TEKT5: variants seen among roughly 807,000 people sequenced by gnomAD.
The protein encoded by TEKT5 is tektin-5.
TEKT5 carries 52 observed loss-of-function variants against 48.7 expected under a neutral mutation model. That is an observed-to-expected ratio of 1.07 (90% confidence interval 0.86 to 1.35). TEKT5 has a LOEUF of 1.35. TEKT5 is among the 40% of genes most tolerant of loss of function. The pLI is 0.00. For missense variants in TEKT5, 831 were observed against 641.6 expected (o/e 1.30, Z -3.19); for synonymous variants, 318 against 267.6 (o/e 1.19, Z -1.84).
chr16:10,690,116 GT>G, intron 1 of TEKT5, 91 bp from the exon 2 acceptor site: 1 of 1,397,342 alleles, frequency 7.2e-7, no homozygotes, highest in Non-Finnish European at 9.9e-7. Context: ...GCCACAATCT[GT>G]TCCTTTCTCC....
rs560627095 is a variant in TEKT5 at position 10,686,100 on chromosome 16, G to A, written c.719+3153C>T. 3.3e-5 allele frequency among the ~76,000 whole-genome samples: 5 copies of A among 152,214 alleles called. No individual in the cohort carries two copies. In the East Asian group the frequency reaches 9.6e-4, roughly 29 times the overall value. On this transcript the variant is annotated intron_variant, in intron 3 of 6. Transcript: ENST00000283025. ...TAAATAGAAGATCACAAAAATAACT[G>A]GAAGAAAGAACAGAATAGAGAGCCC...
intron 5 of TEKT5, among the ~76,000 whole-genome samples, chr16:10,637,970 C>T (rs1897939917): frequency 3.9e-5 from 6 of 152,192 alleles, no homozygotes; most frequent in Admixed American, 3.9e-4. Flanking sequence ...ACCACCACAC[C>T]TGGCTAATTG....
intron 5 of TEKT5, among the ~76,000 whole-genome samples, chr16:10,656,345 G>C (rs532937921): frequency 6.6e-6 from 1 of 152,272 alleles, no homozygotes; most frequent in South Asian, 2.1e-4. Context: ...TATGCCTCCT[G>C]GGCTCAAGCG....
chr16:10,676,778 G>A (rs1194909780), intron 4 of TEKT5, among the ~76,000 whole-genome samples: 2 of 152,250 alleles, frequency 1.3e-5, no homozygotes, highest in African/African-American at 4.8e-5. Context: ...AGTTAGGAGA[G>A]AGCCATGAAC....
At chr16:10,634,414 G>A (rs377294706) in intron 6 of TEKT5, among the ~76,000 whole-genome samples, 8 of 152,098 alleles carry the variant, frequency 5.3e-5, no homozygotes, top group Admixed American at 3.9e-4. Flanking sequence ...TATGAAACCC[G>A]GTGAGCACAG....
At chr16:10,659,831 G>A (rs541259676) in intron 5 of TEKT5, among the ~76,000 whole-genome samples, 1 of 152,312 alleles carries the variant, frequency 6.6e-6, no homozygotes, top group East Asian at 1.9e-4. Context: ...GATTTCAGTG[G>A]GCACAGGGTT....
chr16:10,631,842 C>T (rs573761649), intron 6 of TEKT5, among the ~76,000 whole-genome samples: 9 of 152,168 alleles, frequency 5.9e-5, no homozygotes, highest in Non-Finnish European at 8.8e-5. Flanking sequence ...CCTCCAGGAA[C>T]AGCAACCTTG....
chr16:10,653,984 TTGTGTGTGTGTGAACG>T (rs1020584297), intron 5 of TEKT5, among the ~76,000 whole-genome samples: 4 of 151,570 alleles, frequency 2.6e-5, no homozygotes, highest in Non-Finnish European at 4.4e-5. Flanking sequence ...CTAAGTAAAA[TTGTGTGTGTGTGAACG>T]TGTGTGTGTG....
chr16:10,674,327 G>C (rs1242041736), intron 5 of TEKT5, among the ~76,000 whole-genome samples: 1 of 151,926 alleles, frequency 6.6e-6, no homozygotes, highest in East Asian at 1.9e-4. Context: ...ATGTTGCAAT[G>C]ATTTCATGGA....
intron 5 of TEKT5, among the ~76,000 whole-genome samples, chr16:10,660,922 A>C (rs34941325): frequency 0.03 from 4,509 of 152,144 alleles, 235 homozygotes; most frequent in East Asian, 0.25. Flanking sequence ...GCTGGTCTCG[A>C]ACTCCTGACC....
At chr16:10,671,224 G>A (rs959273632) in intron 5 of TEKT5, among the ~76,000 whole-genome samples, 1 of 152,142 alleles carries the variant, frequency 6.6e-6, no homozygotes, top group Non-Finnish European at 1.5e-5. Flanking sequence ...TGTTTCACAG[G>A]TGAGAAACCA....
chr16:10,648,575 G>A (rs960091784), intron 5 of TEKT5, among the ~76,000 whole-genome samples: 2 of 152,072 alleles, frequency 1.3e-5, no homozygotes, highest in African/African-American at 2.4e-5. Context: ...CGAGTGATCC[G>A]CCTATCTCGG....
chr16:10,663,130 G>A (rs1898402994), intron 5 of TEKT5, among the ~76,000 whole-genome samples: 1 of 152,140 alleles, frequency 6.6e-6, no homozygotes. Context: ...GGGTGTGAAA[G>A]GCAATTATCA....
intron 5 of TEKT5, among the ~76,000 whole-genome samples, chr16:10,662,069 G>A (rs1434107874): frequency 6.6e-6 from 1 of 152,032 alleles, no homozygotes; most frequent in Non-Finnish European, 1.5e-5. Flanking sequence ...GCAGATCAGG[G>A]TTTCTTAGCC....
chr16:10,630,394 C>G (rs1032071878), intron 6 of TEKT5, among the ~76,000 whole-genome samples: 1 of 152,036 alleles, frequency 6.6e-6, no homozygotes, highest in Admixed American at 6.6e-5. Context: ...CACCACCACA[C>G]CTGGCTAATT....
intron 6 of TEKT5, among the ~76,000 whole-genome samples, chr16:10,629,818 G>A (rs576431570): frequency 6.6e-6 from 1 of 152,364 alleles, no homozygotes; most frequent in East Asian, 1.9e-4. Flanking sequence ...ACATCTCTGT[G>A]ATGCACTTCA....
chr16:10,635,358 G>A (rs1596400089), intron 6 of TEKT5, among the ~76,000 whole-genome samples: 1 of 152,092 alleles, frequency 6.6e-6, no homozygotes, highest in Non-Finnish European at 1.5e-5. Context: ...AAAAAGGGAG[G>A]TGGGAAATGA....
chr16:10,654,955 C>G (rs1431960746), intron 5 of TEKT5, among the ~76,000 whole-genome samples: 1 of 126,556 alleles, frequency 7.9e-6, no homozygotes, highest in South Asian at 3.2e-4. Flanking sequence ...CCCCCCCCCC[C>G]CAGTCTGTGA....
At chr16:10,645,911 C>T (rs1452660296) in intron 5 of TEKT5, among the ~76,000 whole-genome samples, 1 of 151,342 alleles carries the variant, frequency 6.6e-6, no homozygotes, top group Non-Finnish European at 1.5e-5. Flanking sequence ...GTGGGAGGAT[C>T]GCTTGAGCCA....
Sources: gnomAD v4.1 joint callset for allele counts (sites outside exome capture counted in the v4.1 genomes callset) on GRCh38, gnomAD v4.1.1 for gene constraint, MANE v1.5 for transcripts, NCBI Gene and HGNC (gene_info 2026-07-23, HGNC 2026-07-21) for gene names.